Variants in WDR41 observed in about 807,000 individuals in gnomAD.
WDR41 encodes WD repeat domain 41.
A neutral mutation model predicts 69.3 loss-of-function variants in WDR41; 63 were observed. The observed-to-expected ratio is 0.91, with a 90% CI of 0.74 to 1.12. WDR41 has a LOEUF of 1.12. Ranked by LOEUF, WDR41 falls within the 50% of genes most tolerant of loss-of-function variation. The pLI is 0.00. For missense variants in WDR41, 543 were observed against 534.5 expected (o/e 1.02, Z -0.16); for synonymous variants, 185 against 192.1 (o/e 0.96, Z 0.31).
intron 2 of WDR41, among the ~76,000 whole-genome samples, chr5:77,469,909 A>G (rs1484537557): frequency 6.6e-6 from 1 of 152,088 alleles, no homozygotes; most frequent in East Asian, 1.9e-4. Flanking sequence ...CAACATTCAG[A>G]TTCAGGAAAT....
At chr5:77,582,704 A>T (rs888534059) in intron 1 of WDR41, 3 of 1,595,458 alleles carry the variant, frequency 1.9e-6, no homozygotes, top group Non-Finnish European at 2.6e-6. Flanking sequence ...AAGGTGTTGC[A>T]GCTTCTTCGC....
chr5:77,550,242 T>C (rs1441420822), intron 1 of WDR41, among the ~76,000 whole-genome samples: 1 of 152,144 alleles, frequency 6.6e-6, no homozygotes, highest in Non-Finnish European at 1.5e-5. Flanking sequence ...AATTGACAAG[T>C]GTGATCTCAT....
At chr5:77,591,310 T>C (rs1744133602) in intron 1 of WDR41, among the ~76,000 whole-genome samples, 1 of 152,172 alleles carries the variant, frequency 6.6e-6, no homozygotes. Flanking sequence ...TCATCAGTAT[T>C]AGCAGGAGTT....
rs1206394315 is a variant in WDR41, at chr5:77,453,829, G to A, written c.511C>T (p.Leu171Phe). ...TGATGTTTTTTACCTGTATCAGAAAGGTGGCTAGTCTTACACAGGAGATCT... is the reference window on the plus strand; with the variant it reads ...TGATGTTTTTTACCTGTATCAGAAAAGTGGCTAGTCTTACACAGGAGATCT... ...KLDLLCKTSHLSDTGISALVE... is the reference protein window; with the variant it reads ...KLDLLCKTSHFSDTGISALVE... The change falls in exon 6 of 13, where the codon CTT becomes TTT. Residue 171 changes from leucine (L) to phenylalanine (F), a missense_variant. Physicochemically the swap from Leu to Phe is conservative, Grantham distance 22 (BLOSUM62 0). Coordinates refer to ENST00000296679, the MANE Select transcript of WDR41 (RefSeq NM_018268.4). 1.2e-6 allele frequency: 2 copies of A among 1,613,426 alleles called. No homozygotes were observed. Among genetic ancestry groups the A allele is most frequent in the African/African-American group, 1.3e-5 (1 of 74,872 alleles).
chr5:77,469,281 T>C (rs1423231783), intron 2 of WDR41, among the ~76,000 whole-genome samples: 1 of 152,108 alleles, frequency 6.6e-6, no homozygotes, highest in Non-Finnish European at 1.5e-5. Context: ...TTAGGAGACA[T>C]ACCTAATGTA....
chr5:77,502,577 C>T (rs1031417985), intron 1 of WDR41, among the ~76,000 whole-genome samples: 2 of 152,114 alleles, frequency 1.3e-5, no homozygotes, highest in Non-Finnish European at 1.5e-5. Context: ...ATCAGATTCA[C>T]CAAGGTTGAA....
intron 2 of WDR41, among the ~76,000 whole-genome samples, chr5:77,474,033 C>T (rs13173529): frequency 1.3e-5 from 2 of 151,950 alleles, no homozygotes; most frequent in African/African-American, 4.8e-5. Flanking sequence ...TTGGAACCAA[C>T]CCAAATGTCC....
chr5:77,431,146 T>G lies in WDR41; in HGVS notation c.*1989A>C, dbSNP rs1798708087. 1 of 152,254 alleles carries G rather than the reference T, an allele frequency of 6.6e-6. No individual in the cohort carries two copies. The highest frequency in any genetic ancestry group is 2.4e-5 in the African/African-American group (1 of 41,470). 9.4% of individuals were successfully genotyped at this position (152,254 alleles called of 1,614,324 possible). A position where few individuals can be genotyped will look rare whatever the true frequency, so the allele number is the denominator to read the frequency against. Reference sequence around the variant, plus strand: ...AGACTCTAAATTTTGAAAGAAGTTCTACTGTGGGTAAAATGCTATTAAATA... The same window carrying G: ...AGACTCTAAATTTTGAAAGAAGTTCGACTGTGGGTAAAATGCTATTAAATA... On this transcript the variant is annotated 3_prime_UTR_variant, in exon 13 of 13. Transcript: ENST00000296679.
In WDR41 at chr5:77,431,847, T is replaced by A. The variant is rs1798735564; in HGVS notation, c.*1288A>T. 1.3e-5 allele frequency: 2 copies of A among 150,296 alleles called. No homozygotes were observed. The highest frequency in any genetic ancestry group is 4.9e-5 in the African/African-American group (2 of 40,752). The allele number at this position is 150,296 out of a possible 1,614,324, so 9.3% of individuals were successfully genotyped here. ...ATTTCTCCATAGAACTTTTCATGAC[T>A]CAATGTTGTTTGGATTTAAAGTAGT... On this transcript the variant is annotated 3_prime_UTR_variant, in exon 13 of 13. Transcript: ENST00000296679.
At chr5:77,600,683 C>T (rs932806992) in intron 1 of WDR41, among the ~76,000 whole-genome samples, 1 of 152,048 alleles carries the variant, frequency 6.6e-6, no homozygotes, top group African/African-American at 2.4e-5. Context: ...AGTTCAAGAC[C>T]AGCCTGGACA....
chr5:77,476,945 C>T (rs1207587423), intron 2 of WDR41, among the ~76,000 whole-genome samples: 1 of 145,652 alleles, frequency 6.9e-6, no homozygotes, highest in Non-Finnish European at 1.5e-5. Flanking sequence ...CGTGCAGAGA[C>T]ACACATAGGC....
At position 77,440,843 on chromosome 5, in the gene WDR41, A is replaced by G; in HGVS notation, c.852T>C (p.Ile284=). ...EIKLCQKSND[I]SIHHFTCDEE... ...CATCACATGTGAAATGATGAATAGA[A>G]ATGTCATTTGATTTTTGACAGAGTT... Residue 284 remains isoleucine, a synonymous_variant, in exon 9 of 13, where the codon ATT becomes ATC. Transcript: ENST00000296679. 6.2e-7 allele frequency: 1 copy of G among 1,614,202 alleles called. No individual in the cohort carries two copies. Among genetic ancestry groups the G allele is most frequent in the Non-Finnish European group, 8.5e-7 (1 of 1,180,034 alleles).
intron 2 of WDR41, among the ~76,000 whole-genome samples, chr5:77,469,973 T>C (rs921755600): frequency 6.6e-6 from 1 of 150,868 alleles, no homozygotes; most frequent in Non-Finnish European, 1.5e-5. Flanking sequence ...AGACACATAA[T>C]TGTCAGATTC....
chr5:77,499,190 G>A (rs1292092995), intron 1 of WDR41: 1 of 152,230 alleles, frequency 6.6e-6, no homozygotes. Context: ...TGAAAAAGGA[G>A]GAATGGGGAA....
chr5:77,464,548 GA>G (rs145113998), intron 3 of WDR41, among the ~76,000 whole-genome samples: 36 of 151,570 alleles, frequency 2.4e-4, no homozygotes, highest in Middle Eastern at 3.4e-3. Flanking sequence ...CACCCAGCTG[GA>G]AAAAAAATCT....
intron 1 of WDR41, among the ~76,000 whole-genome samples, chr5:77,563,642 G>A (rs531324185): frequency 1.3e-4 from 20 of 152,144 alleles, no homozygotes; most frequent in Non-Finnish European, 2.4e-4. Context: ...AGGTAATTAC[G>A]ATACAGTGCT....
At chr5:77,469,808 T>C (rs900302313) in intron 2 of WDR41, among the ~76,000 whole-genome samples, 1 of 152,168 alleles carries the variant, frequency 6.6e-6, no homozygotes, top group African/African-American at 2.4e-5. Context: ...CTGATTGGTG[T>C]AACTGAAAGT....
chr5:77,543,718 T>C (rs1212864848), intron 1 of WDR41, among the ~76,000 whole-genome samples: 2 of 152,006 alleles, frequency 1.3e-5, no homozygotes, highest in African/African-American at 2.4e-5. Context: ...TTCTAAAAGT[T>C]TGGAAAACAT....
intron 1 of WDR41, among the ~76,000 whole-genome samples, chr5:77,593,538 T>C (rs1395688127): frequency 1.3e-5 from 2 of 152,048 alleles, no homozygotes; most frequent in African/African-American, 4.8e-5. Flanking sequence ...AAATAATACA[T>C]AAGAACACAA....
Sources: allele counts gnomAD v4.1 joint callset (sites outside exome capture counted in the v4.1 genomes callset), GRCh38; gene constraint gnomAD v4.1.1; transcripts MANE v1.5; gene names NCBI Gene and HGNC (gene_info 2026-07-23, HGNC 2026-07-21).